The following ERBB4 variants were observed in gnomAD, a reference collection of about 807,000 sequenced individuals.
ERBB4 encodes receptor tyrosine-protein kinase erbB-4.
ERBB4 carries 42 observed loss-of-function variants against 158.0 expected under a neutral mutation model. The observed-to-expected ratio is 0.27, with a 90% CI of 0.21 to 0.34. ERBB4 has a LOEUF of 0.34. ERBB4 is among the 10% of genes least tolerant of loss of function. ERBB4 has a pLI of 1.00. For missense variants in ERBB4, 1,333 were observed against 1,624.1 expected, an observed-to-expected ratio of 0.82 and a Z score of 3.08; for synonymous variants, 583 against 558.7, an observed-to-expected ratio of 1.04 and a Z score of -0.61.
At chr2:211,747,480 G>A (rs1445631705) in intron 5 of ERBB4, among the ~76,000 whole-genome samples, 1 of 152,180 alleles carries the variant, frequency 6.6e-6, no homozygotes, top group Non-Finnish European at 1.5e-5. Flanking sequence ...GGCTACTGGG[G>A]CTGACCATCT....
chr2:211,445,775 T>TGTCA (rs1373163248), intron 20 of ERBB4, among the ~76,000 whole-genome samples: 1 of 152,110 alleles, frequency 6.6e-6, no homozygotes, highest in Non-Finnish European at 1.5e-5. Flanking sequence ...ATACATAGGC[T>TGTCA]GTCACTTGAA....
At chr2:211,741,139 T>C (rs537770887) in intron 5 of ERBB4, among the ~76,000 whole-genome samples, 143 of 152,250 alleles carry the variant, frequency 9.4e-4, no homozygotes, top group African/African-American at 3.3e-3. Flanking sequence ...GCATGTCACA[T>C]GTAGGTAATT....
intron 2 of ERBB4, among the ~76,000 whole-genome samples, chr2:212,095,707 C>T (rs1459674189): frequency 5.9e-5 from 9 of 151,984 alleles, no homozygotes; most frequent in South Asian, 2.1e-4. Flanking sequence ...CCGAGGCGGG[C>T]GGATCACGAG....
At chr2:212,259,233 A>G (rs745661224) in intron 1 of ERBB4, among the ~76,000 whole-genome samples, 1 of 152,174 alleles carries the variant, frequency 6.6e-6, no homozygotes, top group Non-Finnish European at 1.5e-5. Flanking sequence ...AGTCTAATAA[A>G]ATGATTTAAG....
At chr2:211,780,699 TGTTA>T in intron 4 of ERBB4, among the ~76,000 whole-genome samples, 1 of 152,368 alleles carries the variant, frequency 6.6e-6, no homozygotes, top group Non-Finnish European at 1.5e-5. Flanking sequence ...TTTTAGATTC[TGTTA>T]GTTCTCTTTG....
chr2:212,074,920 C>T (rs1270573621), intron 2 of ERBB4, among the ~76,000 whole-genome samples: 1 of 151,878 alleles, frequency 6.6e-6, no homozygotes, highest in African/African-American at 2.4e-5. Flanking sequence ...TTAAAATTTG[C>T]TGGTCGTAGA....
At chr2:211,715,327 T>C (rs979496234) in intron 7 of ERBB4, among the ~76,000 whole-genome samples, 1 of 152,174 alleles carries the variant, frequency 6.6e-6, no homozygotes, top group Non-Finnish European at 1.5e-5. Context: ...AGTCACTTTG[T>C]TGAGATGATA....
At chr2:211,487,676 T>A (rs75318016) in intron 20 of ERBB4, among the ~76,000 whole-genome samples, 3,639 of 151,940 alleles carry the variant, frequency 0.024, 146 homozygotes, top group African/African-American at 0.082. Context: ...ACTGGTAAAG[T>A]GATTCAGAAG....
intron 20 of ERBB4, among the ~76,000 whole-genome samples, chr2:211,480,941 T>C (rs2065067182): frequency 6.6e-6 from 1 of 152,200 alleles, no homozygotes; most frequent in Non-Finnish European, 1.5e-5. Context: ...ACAACTGAAA[T>C]ATATTTAGTT....
intron 1 of ERBB4, among the ~76,000 whole-genome samples, chr2:212,193,214 G>T (rs1187904953): frequency 6.6e-6 from 1 of 152,066 alleles, no homozygotes; most frequent in Non-Finnish European, 1.5e-5. Flanking sequence ...CAACTAATTT[G>T]CCATCTTGTC....
rs370561862 is a variant in ERBB4 at position 211,904,873 on chromosome 2, T to TTTG, written c.421+42554_421+42556dup. ...TAGACAGGAATTACGTGTGGTAAGTTTTGTTGTTGTTGTTGTTTATGGTCA... is the reference window on the plus strand; with the variant it reads ...TAGACAGGAATTACGTGTGGTAAGTTTTGTTGTTGTTGTTGTTGTTTATGGTCA... On this transcript the variant is annotated intron_variant, in intron 3 of 27. Coordinates refer to ENST00000342788, the MANE Select transcript of ERBB4 (RefSeq NM_005235.3). 2.6e-3 allele frequency among the ~76,000 whole-genome samples: 391 copies of TTTG among 152,130 alleles called. 1 individual carries two copies. The highest frequency in any genetic ancestry group is 8.5e-3 in the African/African-American group (355 of 41,522).
chr2:212,501,146 A>G (rs1690867138), intron 1 of ERBB4, among the ~76,000 whole-genome samples: 1 of 152,184 alleles, frequency 6.6e-6, no homozygotes. Flanking sequence ...ATTAGAGAGG[A>G]CAAAGATACA....
intron 4 of ERBB4, among the ~76,000 whole-genome samples, chr2:211,770,836 G>A (rs1008936290): frequency 6.6e-6 from 1 of 152,074 alleles, no homozygotes; most frequent in African/African-American, 2.4e-5. Context: ...GATATACCAG[G>A]CCCAGGAGGT....
In ERBB4 at chr2:212,102,090, T is replaced by TATATATATATATATATA. The variant is rs1553558603; in HGVS notation, c.234+22661_234+22662insTATATATATATATATAT. Reference sequence around the variant, plus strand: ...AAATCATATACGTTGAAAATTTATTTTATATATATATATATATATATATGT... The same window carrying TATATATATATATATATA: ...AAATCATATACGTTGAAAATTTATTTATATATATATATATATATATATATATATATATATATATATGT... On this transcript the variant is annotated intron_variant, in intron 2 of 27. Coordinates refer to ENST00000342788, the MANE Select transcript of ERBB4 (RefSeq NM_005235.3). 7.4e-3 allele frequency among the ~76,000 whole-genome samples: 800 copies of TATATATATATATATATA among 107,868 alleles called. 31 individuals are homozygous for TATATATATATATATATA. Among genetic ancestry groups the TATATATATATATATATA allele is most frequent in the South Asian group, 0.031 (87 of 2,814 alleles). 70.8% of individuals were successfully genotyped at this position (107,868 alleles called of 152,430 possible).
At chr2:212,407,863 T>C (rs1482456985) in intron 1 of ERBB4, among the ~76,000 whole-genome samples, 1 of 152,064 alleles carries the variant, frequency 6.6e-6, no homozygotes, top group Non-Finnish European at 1.5e-5. Flanking sequence ...TAAGTAGATA[T>C]GCTTTGTATT....
At chr2:212,195,467 T>C (rs1200416071) in intron 1 of ERBB4, among the ~76,000 whole-genome samples, 1 of 148,070 alleles carries the variant, frequency 6.8e-6, no homozygotes, top group Non-Finnish European at 1.5e-5. Flanking sequence ...AATTAGGCTA[T>C]TTTTAAATTT....
rs1385278574 is a variant in ERBB4, at chr2:211,820,249, G to A, written c.422-32090C>T. On this transcript the variant is annotated intron_variant, in intron 3 of 27. Coordinates refer to ENST00000342788, the MANE Select transcript of ERBB4 (RefSeq NM_005235.3). ...ACAGCAGCAACAACTGAGAATTAGG[G>A]ACTGTTCATGCTGGTGCAAGTTGAA... is the stretch of plus-strand genomic sequence containing the variant. 2.0e-5 allele frequency among the ~76,000 whole-genome samples: 3 copies of A among 151,820 alleles called. No individual in the cohort carries two copies. In the East Asian group the frequency reaches 5.8e-4, roughly 29 times the overall value.
chr2:212,347,458 T>C (rs920760954), intron 1 of ERBB4, among the ~76,000 whole-genome samples: 1 of 152,156 alleles, frequency 6.6e-6, no homozygotes, highest in Non-Finnish European at 1.5e-5. Flanking sequence ...ATGACAGATA[T>C]TGGAGTGTTG....
At chr2:211,509,553 C>G (rs540104291) in intron 20 of ERBB4, among the ~76,000 whole-genome samples, 2 of 151,788 alleles carry the variant, frequency 1.3e-5, no homozygotes, top group African/African-American at 4.8e-5. Flanking sequence ...AATTTAAAAC[C>G]AAGTCCCCAA....
Sources: allele counts gnomAD v4.1 joint callset (sites outside exome capture counted in the v4.1 genomes callset), GRCh38; gene constraint gnomAD v4.1.1; transcripts MANE v1.5; gene names NCBI Gene and HGNC (gene_info 2026-07-23, HGNC 2026-07-21).